SENP2: variants seen among roughly 807,000 people sequenced by gnomAD.
SENP2 encodes sentrin-specific protease 2.
A neutral mutation model predicts 86.3 loss-of-function variants in SENP2; 16 were observed. That is an observed-to-expected ratio of 0.19 (90% CI 0.13 to 0.28). The LOEUF (loss-of-function observed/expected upper bound fraction) is 0.28. Among genes scored for constraint, SENP2 ranks in the 10% least tolerant of loss-of-function variants. The pLI, the probability that SENP2 is intolerant of heterozygous loss-of-function variation, is 1.00. For missense variants in SENP2, 552 were observed against 703.0 expected (o/e 0.79, Z 2.43); for synonymous variants, 222 against 238.7 (o/e 0.93, Z 0.64).
chr3:185,627,578 A>G (rs1334046755), intron 16 of SENP2, among the ~76,000 whole-genome samples: 2 of 151,938 alleles, frequency 1.3e-5, no homozygotes, highest in Admixed American at 1.3e-4. Context: ...ATGCCCAGCT[A>G]ATTTTTGTAT....
At chr3:185,598,252 C>T (rs897851559) in intron 2 of SENP2, 160 bp from the exon 3 acceptor site, 4 of 718,380 alleles carry the variant, frequency 5.6e-6, no homozygotes, top group African/African-American at 3.5e-5. Flanking sequence ...GCAATCCTCC[C>T]ACCTCAGCCT....
chr3:185,607,745 C>T lies in SENP2; in HGVS notation c.618+1247C>T, dbSNP rs1228403700. On this transcript the variant is annotated intron_variant, in intron 6 of 16. Transcript: ENST00000296257. ...CTCGCTATGTTGTCCAGGCTAGTTTCAAACTCGTGGGCTCAAGCGATCCTC... is the reference window on the plus strand; with the variant it reads ...CTCGCTATGTTGTCCAGGCTAGTTTTAAACTCGTGGGCTCAAGCGATCCTC... Among the ~76,000 whole-genome samples the T allele has an allele frequency of 2.6e-5, 4 of 152,150 alleles. No individual in the cohort carries two copies. In the East Asian group the frequency reaches 7.7e-4, roughly 29 times the overall value.
rs1434919055 is a variant in SENP2 at position 185,632,174 on chromosome 3, G to GATT, written c.*2331_*2333dup. 3 of 140,910 alleles carry GATT rather than the reference G, an allele frequency of 2.1e-5. No individual in the cohort carries two copies. Among genetic ancestry groups the GATT allele is most frequent in the Non-Finnish European group, 4.6e-5 (3 of 65,312 alleles). The allele number at this position is 140,910 out of a possible 1,614,324, so 8.7% of individuals were successfully genotyped here. ...AGTGTTCAGTTGAAAAACAGCTATTGATTTTATTAGTAGCAAATTATCACC... is the reference window on the plus strand; with the variant it reads ...AGTGTTCAGTTGAAAAACAGCTATTGATTATTTTATTAGTAGCAAATTATCACC... On this transcript the variant is annotated 3_prime_UTR_variant, in exon 17 of 17. Transcript: ENST00000296257.
intron 2 of SENP2, among the ~76,000 whole-genome samples, chr3:185,595,562 A>C (rs970217072): frequency 6.6e-6 from 1 of 152,206 alleles, no homozygotes; most frequent in African/African-American, 2.4e-5. Context: ...AGCACTGCTT[A>C]AAAGCTACCA....
rs536665451 is a variant in SENP2 at position 185,627,615 on chromosome 3, G to A, written c.1707+1222G>A. 5.3e-5 allele frequency among the ~76,000 whole-genome samples: 8 copies of A among 152,208 alleles called. No homozygotes were observed. The South Asian group carries it at 1.5e-3, about 28-fold the overall frequency. ...TTTAGCAGAGATGGGGTTTCACCGT[G>A]TTGGCCAGGCTGGTCTCGAACTCCT... On this transcript the variant is annotated intron_variant, in intron 16 of 16. Coordinates refer to ENST00000296257, the MANE Select transcript of SENP2 (RefSeq NM_021627.3).
intron 11 of SENP2, among the ~76,000 whole-genome samples, chr3:185,616,746 G>A (rs1344117800): frequency 6.8e-6 from 1 of 146,210 alleles, no homozygotes; most frequent in South Asian, 2.2e-4. Context: ...CTGCACTCCG[G>A]CCTGGGAGAC....
Position 185,630,302 on chromosome 3 carries a change from T to C in SENP2, c.*458T>C, listed in dbSNP as rs1712356889. ...GAACTATTTATTTCTGAAAGGAATG[T>C]TACTCAAGCTGCCACTCCCTGCTGA... On this transcript the variant is annotated 3_prime_UTR_variant, in exon 17 of 17. Transcript: ENST00000296257. 1 of 154,618 alleles carries C rather than the reference T, an allele frequency of 6.5e-6. No homozygotes were observed. The highest frequency in any genetic ancestry group is 2.4e-5 in the African/African-American group (1 of 41,524). 9.6% of individuals were successfully genotyped at this position (154,618 alleles called of 1,614,324 possible). A position where few individuals can be genotyped will look rare whatever the true frequency, so the allele number is the denominator to read the frequency against.
rs796457617 is a variant in SENP2 at position 185,617,718 on chromosome 3, T to C, written c.1242+107T>C. On this transcript the variant is annotated intron_variant, in intron 12 of 16. Transcript: ENST00000296257. ...TATAATGGGTTGGTAATGCAACTCT[T>C]AGTTATAATTAAAACAAAAACATTT... is the stretch of plus-strand genomic sequence containing the variant. The C allele has an allele frequency of 8.1e-6, 7 of 864,860 alleles. No homozygotes were observed. In the Admixed American group the frequency reaches 1.1e-4, roughly 13 times the overall value. The allele number at this position is 864,860 out of a possible 1,614,324, so 53.6% of individuals were successfully genotyped here. A position where few individuals can be genotyped will look rare whatever the true frequency, so the allele number is the denominator to read the frequency against.
intron 12 of SENP2, 132 bp from the exon 13 acceptor site, chr3:185,619,167 C>T (rs897569408): frequency 6.0e-6 from 4 of 666,444 alleles, no homozygotes; most frequent in Non-Finnish European, 1.0e-5. Context: ...TTTTCCCTGT[C>T]TTCTACTATA....
At chr3:185,592,892 C>T (rs1315484504) in intron 2 of SENP2, among the ~76,000 whole-genome samples, 1 of 152,208 alleles carries the variant, frequency 6.6e-6, no homozygotes, top group African/African-American at 2.4e-5. Flanking sequence ...GCTGGAATTA[C>T]AGGCGTGAGC....
chr3:185,629,695 C>T (rs1712326331), intron 16 of SENP2, 87 bp from the exon 17 acceptor site: 3 of 1,291,598 alleles, frequency 2.3e-6, no homozygotes, highest in African/African-American at 2.9e-5. Context: ...CATGGACATC[C>T]TGCTTTATTA....
At chr3:185,627,769 G>A (rs2148996841) in intron 16 of SENP2, among the ~76,000 whole-genome samples, 1 of 152,300 alleles carries the variant, frequency 6.6e-6, no homozygotes, top group South Asian at 2.1e-4. Flanking sequence ...ACTCAAGTAT[G>A]TTGGGAATTC....
intron 12 of SENP2, among the ~76,000 whole-genome samples, chr3:185,618,621 G>A (rs1445001151): frequency 6.6e-6 from 1 of 152,198 alleles, no homozygotes; most frequent in African/African-American, 2.4e-5. Context: ...GCTCACGCCT[G>A]TAATCCCAGC....
chr3:185,615,816 A>G (rs533915868), intron 11 of SENP2, among the ~76,000 whole-genome samples: 1 of 152,196 alleles, frequency 6.6e-6, no homozygotes, highest in African/African-American at 2.4e-5. Context: ...TTCATGTCAA[A>G]AAGGATGGTG....
At chr3:185,609,373 T>A (rs1279558998) in intron 7 of SENP2, 23 bp downstream of exon 7, 4 of 1,514,742 alleles carry the variant, frequency 2.6e-6, no homozygotes, top group Non-Finnish European at 3.7e-6. Flanking sequence ...TAACAGATAA[T>A]GCTTTGCTAG....
intron 10 of SENP2, 109 bp from the exon 11 acceptor site, chr3:185,614,455 A>G (rs1310023337): frequency 8.4e-6 from 9 of 1,071,974 alleles, no homozygotes; most frequent in Admixed American, 2.7e-5. Flanking sequence ...GGGATTTGCT[A>G]ATTCTCTTTT....
rs148366274 is a variant in SENP2 at position 185,627,561 on chromosome 3, C to T, written c.1707+1168C>T. Among the ~76,000 whole-genome samples, 411 of 151,992 alleles carry T rather than the reference C, an allele frequency of 2.7e-3. 2 individuals carry two copies. Among genetic ancestry groups the T allele is most frequent in the African/African-American group, 9.3e-3 (386 of 41,428 alleles). ...CCCAGTAGCTGGGACTACAGGCATG[C>T]GCCACCATGCCCAGCTAATTTTTGT... On this transcript the variant is annotated intron_variant, in intron 16 of 16. Transcript: ENST00000296257.
At chr3:185,611,916 G>A (rs931183903) in intron 8 of SENP2, among the ~76,000 whole-genome samples, 171 bp downstream of exon 8, 4 of 152,180 alleles carry the variant, frequency 2.6e-5, no homozygotes, top group Non-Finnish European at 4.4e-5. Context: ...CAGCACTTTG[G>A]GAGGCCAAGG....
chr3:185,606,130 G>T (rs1577728038), intron 5 of SENP2, among the ~76,000 whole-genome samples, 200 bp from the exon 6 acceptor site: 1 of 152,064 alleles, frequency 6.6e-6, no homozygotes. Flanking sequence ...CTCTAGTTTA[G>T]AAACAGACAT....
Sources: gnomAD v4.1 joint callset for allele counts (sites outside exome capture counted in the v4.1 genomes callset) on GRCh38, gnomAD v4.1.1 for gene constraint, MANE v1.5 for transcripts, NCBI Gene and HGNC (gene_info 2026-07-23, HGNC 2026-07-21) for gene names.